Variants in CTSB observed in about 807,000 individuals in gnomAD.
The protein encoded by CTSB is APP secretase.
Under a neutral mutation model 44.3 loss-of-function variants are expected in CTSB, and 57 were observed. The ratio of observed to expected loss-of-function variants is 1.29; its 90% confidence interval spans 1.04 to 1.60. CTSB has a LOEUF of 1.60. CTSB is among the 40% of genes most tolerant of loss of function. The pLI, the probability that CTSB is intolerant of heterozygous loss-of-function variation, is 0.00. For synonymous variants in CTSB, 320 were observed against 168.0 expected (o/e 1.91, Z -7.00); for missense variants, 768 against 443.0 (o/e 1.73, Z -6.59).
At chr8:11,850,824 A>C (rs1271763129) in intron 4 of CTSB, 42 bp downstream of exon 4, 1 of 1,458,984 alleles carries the variant, frequency 6.9e-7, no homozygotes, top group South Asian at 1.2e-5. Context: ...TGTTGCTCCC[A>C]CTTTCTCTCC....
intron 1 of CTSB, chr8:11,861,456 T>G (rs887203379): frequency 1.3e-5 from 2 of 152,362 alleles, no homozygotes; most frequent in Admixed American, 6.5e-5. Flanking sequence ...CCACGCAAGC[T>G]GCTCTCCATA....
chr8:11,854,490 C>CTTTT (rs749714527), intron 1 of CTSB, among the ~76,000 whole-genome samples: 1 of 139,726 alleles, frequency 7.2e-6, no homozygotes, highest in African/African-American at 2.6e-5. Context: ...TGGAAAAAAG[C>CTTTT]TTTTTTTTTT....
intron 7 of CTSB, 62 bp from the exon 8 acceptor site, chr8:11,847,230 G>C (rs376973997): frequency 2.9e-6 from 3 of 1,032,052 alleles, no homozygotes; most frequent in African/African-American, 1.6e-5. Context: ...GGCACGCCAC[G>C]GTCAGCCAGT....
rs2130973998 is a variant in CTSB at position 11,845,047 on chromosome 8, C to G, written c.*78G>C. 3 of 982,490 alleles carry G rather than the reference C, an allele frequency of 3.1e-6. No individual in the cohort carries two copies. Among genetic ancestry groups the G allele is most frequent in the Non-Finnish European group, 4.8e-6 (3 of 621,130 alleles). 60.9% of individuals were successfully genotyped at this position (982,490 alleles called of 1,614,324 possible). On this transcript the variant is annotated 3_prime_UTR_variant, in exon 10 of 10. Coordinates refer to ENST00000353047, the MANE Select transcript of CTSB (RefSeq NM_001908.5). ...TTCAGACCCTGTCTGAAACTTGTAT[C>G]TTACGTGAACTTAAAGAATAAAATG...
chr8:11,859,434 G>C (rs73209042), intron 1 of CTSB, among the ~76,000 whole-genome samples: 15,394 of 152,126 alleles, frequency 0.1, 1,001 homozygotes, highest in South Asian at 0.14. Context: ...CACCCTTAAA[G>C]AATCAGTTTT....
intron 1 of CTSB, among the ~76,000 whole-genome samples, chr8:11,855,425 G>C (rs1815343643): frequency 6.6e-6 from 1 of 152,224 alleles, no homozygotes; most frequent in African/African-American, 2.4e-5. Flanking sequence ...GGGAGGCCAA[G>C]GCAAGTGGAT....
At chr8:11,859,092 C>A (rs188186272) in intron 1 of CTSB, among the ~76,000 whole-genome samples, 3 of 152,238 alleles carry the variant, frequency 2.0e-5, no homozygotes, top group Non-Finnish European at 4.4e-5. Context: ...GACCTGAGTT[C>A]CAGTGCACCC....
intron 4 of CTSB, chr8:11,850,030 G>C (rs1348531919): frequency 2.6e-5 from 4 of 152,370 alleles, no homozygotes; most frequent in Admixed American, 6.5e-5. Flanking sequence ...AATGGGGACA[G>C]AGTTTCTGTC....
chr8:11,859,835 G>A (rs1469971938), intron 1 of CTSB, among the ~76,000 whole-genome samples: 1 of 150,142 alleles, frequency 6.7e-6, no homozygotes, highest in Admixed American at 6.7e-5. Context: ...AGCACTTTGG[G>A]AGGCTGAGGC....
At chr8:11,852,806 A>G (rs1814835315) in intron 2 of CTSB, 111 bp from the exon 3 acceptor site, 2 of 913,864 alleles carry the variant, frequency 2.2e-6, no homozygotes, top group Non-Finnish European at 1.7e-6. Context: ...TACCCAATTC[A>G]AGGGCCCAAG....
intron 3 of CTSB, among the ~76,000 whole-genome samples, chr8:11,852,296 G>C (rs1355231254): frequency 6.6e-6 from 1 of 152,108 alleles, no homozygotes; most frequent in Non-Finnish European, 1.5e-5. Context: ...GCTTGAACCC[G>C]GGAGACAGAG....
intron 8 of CTSB, 122 bp downstream of exon 8, chr8:11,846,930 C>T (rs889473074): frequency 2.9e-6 from 2 of 700,418 alleles, no homozygotes; most frequent in African/African-American, 1.7e-5. Flanking sequence ...CCCACACAGC[C>T]CTCTTCCCCA....
intron 8 of CTSB, among the ~76,000 whole-genome samples, chr8:11,846,720 G>T (rs1176035205): frequency 6.6e-6 from 1 of 152,230 alleles, no homozygotes; most frequent in Non-Finnish European, 1.5e-5. Flanking sequence ...AGCCAGGAAG[G>T]CGAGGGCAGG....
rs2130956600 is a variant in CTSB, at chr8:11,843,330, GC to G, written c.*1794del. On this transcript the variant is annotated 3_prime_UTR_variant, in exon 10 of 10. Transcript: ENST00000353047. ...AGATTTTCAGAGCTTATTTGATCTA[GC>G]ATCTGGTTCCTAAATTCTGAGTCAC... 6.6e-6 allele frequency: 1 copy of G among 152,284 alleles called. No individual in the cohort carries two copies. Among genetic ancestry groups the G allele is most frequent in the South Asian group, 2.1e-4 (1 of 4,826 alleles). The allele number at this position is 152,284 out of a possible 1,614,324, so 9.4% of individuals were successfully genotyped here. A position where few individuals can be genotyped will look rare whatever the true frequency, so the allele number is the denominator to read the frequency against.
chr8:11,845,180 T>G lies in CTSB; in HGVS notation c.965A>C (p.Glu322Ala). 6.2e-7 allele frequency: 1 copy of G among 1,614,072 alleles called. No homozygotes were observed. The change falls in exon 10 of 10, where the codon GAA (glutamate) becomes GCA (alanine). Residue 322 changes from glutamate to alanine, a missense_variant. Glu to Ala is a moderately radical substitution (Grantham distance 107). Transcript: ENST00000353047. ...TGGAATTCCAGCCACCACTTCTGAT[T>G]CGATTCCACAGTGATCCTGTCCTCT... is the stretch of plus-strand genomic sequence containing the variant. ...ILRGQDHCGIESEVVAGIPRT... is the reference protein window; with the variant it reads ...ILRGQDHCGIASEVVAGIPRT...
Position 11,849,118 on chromosome 8 carries a change from G to A in CTSB, c.374C>T (p.Thr125Ile), listed in dbSNP as rs771912695. The change falls in exon 5 of 10, where the codon ACC becomes ATC. Residue 125 changes from threonine (T) to isoleucine (I), a missense_variant. Coordinates refer to ENST00000353047, the MANE Select transcript of CTSB (RefSeq NM_001908.5). ...CACCTCCACGCTGACGTGCGCATTG[G>A]TGTGGATGCAGATCCGGTCAGAGAT... ...EAISDRICIH[T>I]NAHVSVEVSA... 1 of 1,613,580 alleles carries A rather than the reference G, an allele frequency of 6.2e-7. No individual in the cohort carries two copies. The highest frequency in any genetic ancestry group is 8.5e-7 in the Non-Finnish European group (1 of 1,179,892).
chr8:11,848,442 G>C (rs908420703), intron 5 of CTSB: 7 of 523,940 alleles, frequency 1.3e-5, no homozygotes, highest in Non-Finnish European at 2.2e-5. Context: ...CTTCCGGGTA[G>C]AACACTGATT....
chr8:11,859,659 T>A (rs1364683037), intron 1 of CTSB, among the ~76,000 whole-genome samples: 1 of 148,226 alleles, frequency 6.7e-6, no homozygotes, highest in Non-Finnish European at 1.5e-5. Flanking sequence ...TCCCACCTAC[T>A]TGGGAGGCTG....
chr8:11,853,578 G>A (rs1022661994), intron 1 of CTSB, 99 bp from the exon 2 acceptor site: 6 of 1,204,758 alleles, frequency 5.0e-6, no homozygotes, highest in South Asian at 4.5e-5. Context: ...GGACCCCCAT[G>A]CTCGTCCTGG....
Sources: allele counts gnomAD v4.1 joint callset (sites outside exome capture counted in the v4.1 genomes callset), GRCh38; gene constraint gnomAD v4.1.1; transcripts MANE v1.5; gene names NCBI Gene and HGNC (gene_info 2026-07-23, HGNC 2026-07-21).